Variants in DCC observed in about 807,000 individuals in gnomAD.
DCC encodes netrin receptor DCC.
Under a neutral mutation model 172.5 loss-of-function variants are expected in DCC, and 58 were observed. The observed-to-expected ratio is 0.34, with a 90% CI of 0.27 to 0.42. The LOEUF (loss-of-function observed/expected upper bound fraction) is 0.42. Ranked by LOEUF, DCC falls within the 10% of genes least tolerant of loss-of-function variation. The probability of loss-of-function intolerance (pLI) is 1.00; values close to 1 mark genes in which losing one functional copy is unlikely to be tolerated. For missense variants in DCC, 1,740 were observed against 1,791.0 expected (o/e 0.97, Z 0.51); for synonymous variants, 709 against 644.5 (o/e 1.10, Z -1.52).
chr18:52,816,883 T>C (rs2038310320), intron 2 of DCC: 1 of 152,334 alleles, frequency 6.6e-6, no homozygotes, highest in Admixed American at 6.5e-5. Context: ...CTATTTCTAT[T>C]ATCTTAGAAC....
chr18:52,687,517 T>C (rs1278211193), intron 1 of DCC, among the ~76,000 whole-genome samples: 2 of 152,046 alleles, frequency 1.3e-5, no homozygotes, highest in Admixed American at 6.6e-5. Flanking sequence ...TCTCCTGACC[T>C]CAGGTGATCC....
At chr18:53,133,433 A>G (rs8083169) in intron 7 of DCC, among the ~76,000 whole-genome samples, 1,541 of 152,296 alleles carry the variant, frequency 0.01, 35 homozygotes, top group African/African-American at 0.035. Context: ...AGATGAGTCC[A>G]CAGGGTTGGA....
intron 1 of DCC, among the ~76,000 whole-genome samples, chr18:52,730,983 T>G (rs1599055484): frequency 6.6e-6 from 1 of 152,104 alleles, no homozygotes; most frequent in Non-Finnish European, 1.5e-5. Flanking sequence ...AAGAATAAAA[T>G]TTGTCCATCT....
At chr18:52,850,589 A>AAAAGAC (rs148218932) in intron 2 of DCC, among the ~76,000 whole-genome samples, 3,721 of 152,172 alleles carry the variant, frequency 0.024, 131 homozygotes, top group African/African-American at 0.082. Context: ...TAGCATCTTG[A>AAAAGAC]AAAGACAAAG....
chr18:52,653,444 C>T (rs576185214), intron 1 of DCC, among the ~76,000 whole-genome samples: 14 of 152,194 alleles, frequency 9.2e-5, no homozygotes, highest in African/African-American at 3.4e-4. Flanking sequence ...AATAATTGCA[C>T]CATGTTTGAA....
At chr18:53,334,322 C>A (rs896177275) in intron 14 of DCC, among the ~76,000 whole-genome samples, 5 of 152,178 alleles carry the variant, frequency 3.3e-5, no homozygotes, top group African/African-American at 7.2e-5. Context: ...TAAAACCTAA[C>A]TTCTTACTTA....
At chr18:53,518,126 A>G (rs893541494) in intron 27 of DCC, among the ~76,000 whole-genome samples, 3 of 152,162 alleles carry the variant, frequency 2.0e-5, no homozygotes, top group East Asian at 1.9e-4. Context: ...TAAGAATAAT[A>G]TTCTGGTTCA....
At chr18:53,400,065 T>C (rs1355464702) in intron 18 of DCC, among the ~76,000 whole-genome samples, 2 of 152,090 alleles carry the variant, frequency 1.3e-5, no homozygotes, top group Admixed American at 6.6e-5. Context: ...TTTGAGCGAA[T>C]TGTGGTCCAA....
intron 2 of DCC, among the ~76,000 whole-genome samples, chr18:52,901,982 G>T (rs907533005): frequency 2.9e-4 from 44 of 152,210 alleles, no homozygotes; most frequent in African/African-American, 9.4e-4. Flanking sequence ...CAGTAAGTAC[G>T]ACTAGGAAAA....
intron 9 of DCC, among the ~76,000 whole-genome samples, chr18:53,196,173 G>A (rs1235987487): frequency 6.6e-6 from 1 of 152,030 alleles, no homozygotes; most frequent in African/African-American, 2.4e-5. Context: ...AGCACATTTG[G>A]GTGAAACTTT....
chr18:53,353,922 C>T (rs1013278737), intron 15 of DCC, among the ~76,000 whole-genome samples: 5 of 152,156 alleles, frequency 3.3e-5, no homozygotes, highest in African/African-American at 1.2e-4. Flanking sequence ...CTCCCCCGAC[C>T]TCACGACAGG....
At chr18:52,449,338 C>T (rs911329951) in intron 1 of DCC, among the ~76,000 whole-genome samples, 1 of 152,084 alleles carries the variant, frequency 6.6e-6, no homozygotes, top group Non-Finnish European at 1.5e-5. Flanking sequence ...ATGGAATCTC[C>T]CTTGCGGGGG....
chr18:53,361,846 G>A lies in DCC; in HGVS notation c.2359+21939G>A, dbSNP rs561654796. Among the ~76,000 whole-genome samples, 36 of 152,170 alleles carry A rather than the reference G, an allele frequency of 2.4e-4. No homozygotes were observed. The East Asian group carries it at 5.6e-3, about 24-fold the overall frequency. On this transcript the variant is annotated intron_variant, in intron 15 of 28. Transcript: ENST00000442544. ...ATTATGTATTTTTTTTAAATGTAGA[G>A]CCTGGAATTTTAAACACAAGAGTAA...
chr18:53,222,150 A>G (rs1450315108), intron 12 of DCC, among the ~76,000 whole-genome samples: 2 of 152,170 alleles, frequency 1.3e-5, no homozygotes, highest in Non-Finnish European at 2.9e-5. Flanking sequence ...ATCAACCATG[A>G]ATTAGAGGAA....
At chr18:52,484,359 A>G (rs1423883597) in intron 1 of DCC, among the ~76,000 whole-genome samples, 1 of 151,994 alleles carries the variant, frequency 6.6e-6, no homozygotes, top group Non-Finnish European at 1.5e-5. Context: ...ATTTTATTAT[A>G]TCTGTTTTGC....
chr18:53,250,314 TA>T (rs1432103892), intron 12 of DCC, among the ~76,000 whole-genome samples: 2 of 151,936 alleles, frequency 1.3e-5, no homozygotes, highest in Non-Finnish European at 2.9e-5. Flanking sequence ...AAAACTAATT[TA>T]AAAAAATGAG....
intron 19 of DCC, among the ~76,000 whole-genome samples, chr18:53,404,213 G>GA (rs1282501566): frequency 4.0e-5 from 6 of 151,862 alleles, no homozygotes; most frequent in South Asian, 2.1e-4. Context: ...AGTCTGAGGA[G>GA]AAAAAAACAG....
At chr18:53,000,393 C>CG (rs1211634418) in intron 5 of DCC, among the ~76,000 whole-genome samples, 2 of 151,750 alleles carry the variant, frequency 1.3e-5, no homozygotes, top group Non-Finnish European at 2.9e-5. Context: ...CTTGAAATGG[C>CG]GGGGGTTGTA....
intron 13 of DCC, among the ~76,000 whole-genome samples, chr18:53,310,976 CTTAGAAGCATCTAGG>C: frequency 1.1e-5 from 1 of 88,630 alleles, no homozygotes; most frequent in Non-Finnish European, 2.7e-5. Context: ...TAAAGGTATA[CTTAGAAGCATCTAGG>C]ACACACACAC....
Sources: gnomAD v4.1 joint callset for allele counts (sites outside exome capture counted in the v4.1 genomes callset) on GRCh38, gnomAD v4.1.1 for gene constraint, MANE v1.5 for transcripts, NCBI Gene and HGNC (gene_info 2026-07-23, HGNC 2026-07-21) for gene names.